ADAMTS17: variants seen among roughly 807,000 people sequenced by gnomAD.
The protein encoded by ADAMTS17 is A disintegrin and metalloproteinase with thrombospondin motifs 17.
Under a neutral mutation model 141.5 loss-of-function variants are expected in ADAMTS17, and 113 were observed. The ratio of observed to expected loss-of-function variants is 0.80; its 90% CI spans 0.69 to 0.93. The LOEUF is 0.93. Among genes scored for constraint, ADAMTS17 ranks in the 40% least tolerant of loss-of-function variants. ADAMTS17 has a pLI of 0.00. For synonymous variants in ADAMTS17, 768 were observed against 630.6 expected (o/e 1.22, Z -3.27); for missense variants, 1,659 against 1,517.9 (o/e 1.09, Z -1.54).
chr15:100,040,376 CT>C (rs1313574789), intron 18 of ADAMTS17, among the ~76,000 whole-genome samples: 1 of 152,184 alleles, frequency 6.6e-6, no homozygotes, highest in Non-Finnish European at 1.5e-5. Flanking sequence ...GCTTTGTAAT[CT>C]TTTTTGGGGC....
At chr15:100,046,504 T>C (rs532803156) in intron 18 of ADAMTS17, among the ~76,000 whole-genome samples, 6 of 152,336 alleles carry the variant, frequency 3.9e-5, no homozygotes, top group Admixed American at 3.9e-4. Context: ...AAAACAGAAC[T>C]AATTTTAAAA....
intron 7 of ADAMTS17, among the ~76,000 whole-genome samples, chr15:100,239,886 C>G (rs2141890860): frequency 6.6e-6 from 1 of 152,246 alleles, no homozygotes; most frequent in South Asian, 2.1e-4. Context: ...GCGCCACGCC[C>G]CACCTTCAGG....
At chr15:100,317,260 G>A (rs186344470) in intron 3 of ADAMTS17, among the ~76,000 whole-genome samples, 1 of 152,296 alleles carries the variant, frequency 6.6e-6, no homozygotes, top group Non-Finnish European at 1.5e-5. Flanking sequence ...CAAAGCTTGT[G>A]AGGCACAAGC....
chr15:100,081,082 C>A (rs113082933), intron 15 of ADAMTS17, among the ~76,000 whole-genome samples: 232 of 152,196 alleles, frequency 1.5e-3, no homozygotes, highest in African/African-American at 5.3e-3. Flanking sequence ...GGTCAGGGGG[C>A]TGGGGAAGGC....
intron 12 of ADAMTS17, among the ~76,000 whole-genome samples, chr15:100,130,339 G>C (rs11247156): frequency 0.4 from 60,496 of 150,412 alleles, 12,677 homozygotes; most frequent in South Asian, 0.5. Flanking sequence ...ACTCCAGCCT[G>C]GGGGACAGAG....
At chr15:100,245,337 T>C (rs2042954880) in intron 7 of ADAMTS17, among the ~76,000 whole-genome samples, 1 of 152,172 alleles carries the variant, frequency 6.6e-6, no homozygotes, top group South Asian at 2.1e-4. Flanking sequence ...GTCAGAACAA[T>C]GAAGGGGGCT....
intron 3 of ADAMTS17, among the ~76,000 whole-genome samples, chr15:100,317,173 C>T (rs1416090761): frequency 6.6e-6 from 1 of 152,132 alleles, no homozygotes; most frequent in Non-Finnish European, 1.5e-5. Flanking sequence ...GTCTAAAAAA[C>T]ACATAAAAAT....
chr15:100,035,857 C>T (rs139464400), intron 18 of ADAMTS17, among the ~76,000 whole-genome samples: 7 of 152,160 alleles, frequency 4.6e-5, no homozygotes, highest in East Asian at 3.9e-4. Flanking sequence ...AATGAAGAGA[C>T]GACTCACCAA....
rs990567774 is a variant in ADAMTS17 at position 100,341,356 on chromosome 15, G to A, written c.133C>T (p.Pro45Ser). 71 of 1,018,480 alleles carry A rather than the reference G, an allele frequency of 7.0e-5. No individual in the cohort carries two copies. Among genetic ancestry groups the A allele is most frequent in the Non-Finnish European group, 6.7e-5 (57 of 853,706 alleles). The allele number at this position is 1,018,480 out of a possible 1,614,324, so 63.1% of individuals were successfully genotyped here. ...AGCGGCGGCAGGTGCACGTCGTCGG[G>A]GCGCACCCGCCACGGGAGCACCACC... is the stretch of plus-strand genomic sequence containing the variant. ...VEVVLPWRVRPDDVHLPPLPA... is the reference protein window; with the variant it reads ...VEVVLPWRVRSDDVHLPPLPA... The change falls in exon 2 of 22, where the codon CCC becomes TCC. Residue 45 changes from proline (P) to serine (S), a missense_variant. Physicochemically the swap from Pro to Ser is moderately conservative, Grantham distance 74. Transcript: ENST00000268070.
At chr15:99,987,551 A>C (rs2060614227) in intron 20 of ADAMTS17, among the ~76,000 whole-genome samples, 1 of 152,220 alleles carries the variant, frequency 6.6e-6, no homozygotes, top group Non-Finnish European at 1.5e-5. Flanking sequence ...AGTGGAACCC[A>C]TGGGTGCAAC....
At chr15:100,329,958 G>A (rs1309544472) in intron 3 of ADAMTS17, among the ~76,000 whole-genome samples, 3 of 152,148 alleles carry the variant, frequency 2.0e-5, no homozygotes, top group African/African-American at 4.8e-5. Context: ...ACTAAACCAA[G>A]ACACACTGCA....
At chr15:100,274,494 T>A (rs948241302) in intron 4 of ADAMTS17, among the ~76,000 whole-genome samples, 2 of 152,210 alleles carry the variant, frequency 1.3e-5, no homozygotes, top group Non-Finnish European at 2.9e-5. Context: ...TCCTGCTCTC[T>A]TTTGGTTACA....
chr15:100,275,461 A>G (rs1467394898), intron 4 of ADAMTS17, among the ~76,000 whole-genome samples: 1 of 152,248 alleles, frequency 6.6e-6, no homozygotes, highest in Non-Finnish European at 1.5e-5. Flanking sequence ...AAGCCTGGCA[A>G]AGAAGCTCCA....
intron 18 of ADAMTS17, among the ~76,000 whole-genome samples, chr15:100,022,902 A>G (rs1238081935): frequency 1.3e-5 from 2 of 152,172 alleles, no homozygotes; most frequent in African/African-American, 4.8e-5. Flanking sequence ...GATGGCATTC[A>G]CTCATCCATA....
At chr15:100,157,499 G>C (rs915637738) in intron 8 of ADAMTS17, among the ~76,000 whole-genome samples, 6 of 152,108 alleles carry the variant, frequency 3.9e-5, no homozygotes, top group Non-Finnish European at 7.4e-5. Context: ...TCGCCACCTA[G>C]GTATAGATGG....
intron 18 of ADAMTS17, among the ~76,000 whole-genome samples, chr15:100,046,953 C>A (rs2031739226): frequency 1.3e-5 from 2 of 152,124 alleles, no homozygotes; most frequent in African/African-American, 4.8e-5. Context: ...GTGAGCCAGG[C>A]AGAACAGAGC....
At chr15:100,243,665 C>T (rs373344763) in intron 7 of ADAMTS17, among the ~76,000 whole-genome samples, 26 of 152,056 alleles carry the variant, frequency 1.7e-4, no homozygotes, top group African/African-American at 6.3e-4. Context: ...TGGCGCATGC[C>T]TGTAATCCCA....
chr15:100,335,080 C>A (rs1293640917), intron 2 of ADAMTS17, among the ~76,000 whole-genome samples: 1 of 152,102 alleles, frequency 6.6e-6, no homozygotes, highest in Non-Finnish European at 1.5e-5. Flanking sequence ...AGCATCAGCA[C>A]CCCCGGGGGA....
At chr15:100,336,201 C>G (rs1289301454) in intron 2 of ADAMTS17, among the ~76,000 whole-genome samples, 1 of 152,222 alleles carries the variant, frequency 6.6e-6, no homozygotes, top group Admixed American at 6.5e-5. Context: ...GGTGCAGGAG[C>G]AGTCAGTGCC....
Sources: allele counts gnomAD v4.1 joint callset (sites outside exome capture counted in the v4.1 genomes callset), GRCh38; gene constraint gnomAD v4.1.1; transcripts MANE v1.5; gene names NCBI Gene and HGNC (gene_info 2026-07-23, HGNC 2026-07-21).